The following FGF12 variants were observed in gnomAD, a reference collection of about 807,000 sequenced individuals.
FGF12 encodes the protein fibroblast growth factor 12B.
In FGF12, 14 loss-of-function variants were observed where a neutral mutation model predicts 23.6. That is an observed-to-expected ratio of 0.59 (90% CI 0.39 to 0.93). The LOEUF is 0.93. Ranked by LOEUF, FGF12 falls within the 40% of genes least tolerant of loss-of-function variation. The probability of loss-of-function intolerance (pLI) is 0.00; values close to 1 mark genes in which losing one functional copy is unlikely to be tolerated. For missense variants in FGF12, 175 were observed against 217.8 expected (o/e 0.80, Z 1.24); for synonymous variants, 62 against 77.3 (o/e 0.80, Z 1.04).
chr3:192,698,994 T>C (rs567032483), intron 2 of FGF12, among the ~76,000 whole-genome samples: 4 of 152,330 alleles, frequency 2.6e-5, no homozygotes, highest in South Asian at 2.1e-4. Context: ...AAGAGAGTTA[T>C]ATGTCATGAA....
At chr3:192,473,781 G>A (rs1334842333) in intron 2 of FGF12, among the ~76,000 whole-genome samples, 2 of 152,160 alleles carry the variant, frequency 1.3e-5, no homozygotes, top group East Asian at 1.9e-4. Flanking sequence ...CCAAAAGAAC[G>A]GTGAGCAGAC....
chr3:192,557,806 G>A (rs2134635), intron 2 of FGF12, among the ~76,000 whole-genome samples: 65,191 of 151,418 alleles, frequency 0.43, 14,157 homozygotes, highest in East Asian at 0.56. Context: ...ATAACAAAAT[G>A]AAGGGTAATA....
chr3:192,261,721 G>C (rs1712767767), intron 4 of FGF12, among the ~76,000 whole-genome samples: 1 of 152,192 alleles, frequency 6.6e-6, no homozygotes, highest in African/African-American at 2.4e-5. Flanking sequence ...GTTACAAATA[G>C]ATGAGTTTTT....
chr3:192,656,012 A>G (rs1716400018), intron 2 of FGF12, among the ~76,000 whole-genome samples: 1 of 150,582 alleles, frequency 6.6e-6, no homozygotes, highest in Admixed American at 6.6e-5. Context: ...ATGCCAGAAA[A>G]GAAATTCCCT....
At chr3:192,299,221 AG>A (rs1715209114) in intron 4 of FGF12, among the ~76,000 whole-genome samples, 1 of 152,218 alleles carries the variant, frequency 6.6e-6, no homozygotes. Context: ...GACTGAGGGA[AG>A]GCCAAGAAGT....
At chr3:192,615,969 AATTTC>A (rs1714740752) in intron 2 of FGF12, among the ~76,000 whole-genome samples, 2 of 90,090 alleles carry the variant, frequency 2.2e-5, no homozygotes, top group African/African-American at 4.8e-5. Context: ...GGATGATTTT[AATTTC>A]TTTGTAAATA....
intron 3 of FGF12, among the ~76,000 whole-genome samples, chr3:192,350,713 A>G (rs1036186784): frequency 2.6e-5 from 4 of 152,086 alleles, no homozygotes; most frequent in Admixed American, 1.3e-4. Flanking sequence ...AGGAGAGATA[A>G]TATGTGAGGA....
At position 192,667,969 on chromosome 3, in the gene FGF12, G is replaced by A. The variant is rs150115164; in HGVS notation, c.13+59212C>T. 1.5e-3 allele frequency among the ~76,000 whole-genome samples: 234 copies of A among 152,168 alleles called. 2 individuals carry two copies. The highest frequency in any genetic ancestry group is 5.2e-3 in the African/African-American group (218 of 41,526). ...TTTTACTTCTGAAAATGTAATCTAG[G>A]GATATAATAATGTATACATGCAAAT... On this transcript the variant is annotated intron_variant, in intron 2 of 5. Transcript: ENST00000445105.
At chr3:192,685,561 T>C (rs533830660) in intron 2 of FGF12, among the ~76,000 whole-genome samples, 4 of 152,190 alleles carry the variant, frequency 2.6e-5, no homozygotes, top group African/African-American at 9.6e-5. Context: ...AAACAGTTTC[T>C]TAGGTATCGT....
rs79530507 is a variant in FGF12 at position 192,623,400 on chromosome 3, G to T, written c.13+103781C>A. Reference sequence around the variant, plus strand: ...ACGTTTTGATGCTTGGTATCTGAATGCCAGTGTAAACTGCTACTAATACAG... The same window carrying T: ...ACGTTTTGATGCTTGGTATCTGAATTCCAGTGTAAACTGCTACTAATACAG... On this transcript the variant is annotated intron_variant, in intron 2 of 5. Coordinates refer to ENST00000445105, the MANE Select transcript of FGF12 (RefSeq NM_004113.6). 4.2e-3 allele frequency among the ~76,000 whole-genome samples: 623 copies of T among 147,394 alleles called. 5 individuals carry two copies. Among genetic ancestry groups the T allele is most frequent in the African/African-American group, 0.015 (605 of 39,046 alleles).
At chr3:192,716,530 C>T (rs1053821382) in intron 2 of FGF12, among the ~76,000 whole-genome samples, 1 of 152,164 alleles carries the variant, frequency 6.6e-6, no homozygotes, top group South Asian at 2.1e-4. Context: ...AGCTGCATGG[C>T]ATTCTCTGGT....
chr3:192,558,875 G>C lies in FGF12; in HGVS notation c.13+168306C>G, dbSNP rs73887633. Among the ~76,000 whole-genome samples the C allele has an allele frequency of 9.0e-3, 1,362 of 152,000 alleles. 21 individuals are homozygous for C. Among genetic ancestry groups the C allele is most frequent in the African/African-American group, 0.031 (1,299 of 41,538 alleles). ...GAAACAATAGTCTCTTTAACAAATA[G>C]TGTTGGGAAAATGGAATATCCACAT... On this transcript the variant is annotated intron_variant, in intron 2 of 5. Coordinates refer to ENST00000445105, the MANE Select transcript of FGF12 (RefSeq NM_004113.6).
chr3:192,562,307 A>C (rs1035224381), intron 2 of FGF12, among the ~76,000 whole-genome samples: 18 of 152,312 alleles, frequency 1.2e-4, no homozygotes, highest in African/African-American at 3.8e-4. Context: ...GTCTTGATGA[A>C]TGTGTTGGTT....
intron 2 of FGF12, among the ~76,000 whole-genome samples, chr3:192,592,296 C>T (rs1713659007): frequency 6.6e-6 from 1 of 151,824 alleles, no homozygotes; most frequent in African/African-American, 2.4e-5. Context: ...TTATTTGCCC[C>T]TGTCTTTGCT....
At chr3:192,541,991 G>A (rs1021559391) in intron 2 of FGF12, among the ~76,000 whole-genome samples, 3 of 151,016 alleles carry the variant, frequency 2.0e-5, no homozygotes, top group East Asian at 3.9e-4. Flanking sequence ...AGCCTCCCAA[G>A]CAGCTGGGAC....
chr3:192,589,269 A>G (rs984423722), intron 2 of FGF12, among the ~76,000 whole-genome samples: 9 of 150,812 alleles, frequency 6.0e-5, no homozygotes, highest in Non-Finnish European at 1.3e-4. Flanking sequence ...CAGGAGGCGA[A>G]GTTTGCAGGA....
intron 2 of FGF12, among the ~76,000 whole-genome samples, chr3:192,429,856 A>C (rs1228015849): frequency 6.6e-6 from 1 of 152,196 alleles, no homozygotes; most frequent in Non-Finnish European, 1.5e-5. Context: ...ATAAGGTAAA[A>C]GGCCCTTAAG....
At chr3:192,199,528 T>G (rs542614236) in intron 4 of FGF12, among the ~76,000 whole-genome samples, 3 of 152,206 alleles carry the variant, frequency 2.0e-5, no homozygotes, top group African/African-American at 4.8e-5. Flanking sequence ...CAAATGTATA[T>G]GTGGCCTTCT....
At position 192,167,731 on chromosome 3, in the gene FGF12, G is replaced by GTGTATATATATA. The variant is rs1461525196; in HGVS notation, c.427+2726_427+2727insTATATATATACA. ...CTAAAATTAGGAGGGTAGGTTATAGGTATATATATATATATATATATATAT... is the reference window on the plus strand; with the variant it reads ...CTAAAATTAGGAGGGTAGGTTATAGGTGTATATATATATATATATATATATATATATATATAT... On this transcript the variant is annotated intron_variant, in intron 5 of 5. Coordinates refer to ENST00000445105, the MANE Select transcript of FGF12 (RefSeq NM_004113.6). Among the ~76,000 whole-genome samples, 75 of 25,038 alleles carry GTGTATATATATA rather than the reference G, an allele frequency of 3.0e-3. 5 individuals are homozygous for GTGTATATATATA. The highest frequency in any genetic ancestry group is 0.015 in the African/African-American group (72 of 4,794). 16.4% of individuals were successfully genotyped at this position (25,038 alleles called of 152,430 possible).
Sources: gnomAD v4.1 joint callset for allele counts (sites outside exome capture counted in the v4.1 genomes callset) on GRCh38, gnomAD v4.1.1 for gene constraint, MANE v1.5 for transcripts, NCBI Gene and HGNC (gene_info 2026-07-23, HGNC 2026-07-21) for gene names.